The following SLC39A11 variants were observed in gnomAD, a reference collection of about 807,000 sequenced individuals.
SLC39A11 encodes zinc transporter ZIP11.
SLC39A11 carries 33 observed loss-of-function variants against 36.1 expected under a neutral mutation model. That is an observed-to-expected ratio of 0.91 (90% CI 0.69 to 1.22). The LOEUF (loss-of-function observed/expected upper bound fraction) is 1.22. Ranked by LOEUF, SLC39A11 falls within the 50% of genes most tolerant of loss-of-function variation. The pLI, the probability that SLC39A11 is intolerant of heterozygous loss-of-function variation, is 0.00. For synonymous variants in SLC39A11, 166 were observed against 170.3 expected (o/e 0.97, Z 0.20); for missense variants, 432 against 430.3 (o/e 1.00, Z -0.03).
intron 5 of SLC39A11, among the ~76,000 whole-genome samples, chr17:72,939,908 A>G (rs1338522621): frequency 2.0e-5 from 3 of 152,182 alleles, no homozygotes; most frequent in African/African-American, 7.2e-5. Context: ...TACTGGCATC[A>G]TTTACCAGTT....
intron 7 of SLC39A11, among the ~76,000 whole-genome samples, chr17:72,731,385 G>A (rs2074207984): frequency 1.3e-5 from 2 of 152,192 alleles, no homozygotes; most frequent in African/African-American, 4.8e-5. Flanking sequence ...ATGTGGAATT[G>A]TAATCCCCAA....
intron 7 of SLC39A11, among the ~76,000 whole-genome samples, chr17:72,656,049 C>T (rs1049507361): frequency 3.9e-5 from 6 of 152,282 alleles, no homozygotes; most frequent in Admixed American, 2.6e-4. Context: ...TCTGAGCTGA[C>T]GATCCTGGGC....
chr17:72,968,805 G>A lies in SLC39A11; in HGVS notation c.307-20930C>T, dbSNP rs1043214051. Among the ~76,000 whole-genome samples the A allele has an allele frequency of 3.1e-4, 47 of 152,204 alleles. 1 individual carries two copies. Among genetic ancestry groups the A allele is most frequent in the Admixed American group, 2.5e-3 (38 of 15,288 alleles). On this transcript the variant is annotated intron_variant, in intron 4 of 9. Transcript: ENST00000255559. ...AGGAAGGTTCTACACACGTGCGGAC[G>A]ACACAATCCCTGGGCCTCCCAGAGT...
intron 7 of SLC39A11, among the ~76,000 whole-genome samples, chr17:72,653,525 C>T (rs897110387): frequency 2.6e-5 from 4 of 151,542 alleles, no homozygotes; most frequent in African/African-American, 7.3e-5. Flanking sequence ...CTGCAACCTC[C>T]GCCTCATGGG....
chr17:72,808,991 ACT>A (rs1452686206), intron 6 of SLC39A11, among the ~76,000 whole-genome samples: 1 of 152,060 alleles, frequency 6.6e-6, no homozygotes, highest in Non-Finnish European at 1.5e-5. Flanking sequence ...TGTTAATTAA[ACT>A]CTTTCTCTAC....
chr17:73,069,128 G>A (rs1002956755), intron 3 of SLC39A11, among the ~76,000 whole-genome samples: 4 of 151,694 alleles, frequency 2.6e-5, no homozygotes, highest in South Asian at 2.1e-4. Context: ...CCCCTACCCC[G>A]TCTTCCCCAC....
chr17:72,844,881 C>T (rs550945192), intron 6 of SLC39A11, among the ~76,000 whole-genome samples: 1 of 152,230 alleles, frequency 6.6e-6, no homozygotes, highest in Non-Finnish European at 1.5e-5. Context: ...CCTTCCTCGT[C>T]TCAGTTGATG....
chr17:72,735,671 C>A (rs961901215), intron 7 of SLC39A11, among the ~76,000 whole-genome samples: 1 of 152,204 alleles, frequency 6.6e-6, no homozygotes, highest in Non-Finnish European at 1.5e-5. Flanking sequence ...ACTGTCTCCA[C>A]CCATTTTGAT....
chr17:72,652,676 T>G (rs2069905704), intron 7 of SLC39A11, among the ~76,000 whole-genome samples: 1 of 152,186 alleles, frequency 6.6e-6, no homozygotes, highest in Non-Finnish European at 1.5e-5. Context: ...AAGCCAAAAC[T>G]CATTCCTCTG....
chr17:72,881,640 T>C (rs4575596), intron 5 of SLC39A11, among the ~76,000 whole-genome samples: 79,371 of 152,098 alleles, frequency 0.52, 22,649 homozygotes, highest in African/African-American at 0.75. Context: ...AAGTAGTTCA[T>C]AGAGCTGGCA....
At chr17:72,793,997 C>T (rs1254863223) in intron 6 of SLC39A11, among the ~76,000 whole-genome samples, 2 of 152,094 alleles carry the variant, frequency 1.3e-5, no homozygotes, top group East Asian at 3.8e-4. Flanking sequence ...GCTTGAGGGA[C>T]CCATAGTCCT....
chr17:73,064,693 AT>A (rs2059946744), intron 3 of SLC39A11, among the ~76,000 whole-genome samples: 3 of 152,146 alleles, frequency 2.0e-5, no homozygotes, highest in Non-Finnish European at 4.4e-5. Flanking sequence ...CTAAGGTCAT[AT>A]TCCTTAGGGT....
At chr17:72,874,245 A>G (rs2080784446) in intron 5 of SLC39A11, among the ~76,000 whole-genome samples, 1 of 152,222 alleles carries the variant, frequency 6.6e-6, no homozygotes, top group African/African-American at 2.4e-5. Context: ...ATGTTTGCCA[A>G]GGGAAAGTAA....
At chr17:72,896,119 C>T (rs1017685421) in intron 5 of SLC39A11, among the ~76,000 whole-genome samples, 6 of 138,792 alleles carry the variant, frequency 4.3e-5, no homozygotes, top group Non-Finnish European at 7.8e-5. Context: ...AGGATTTTTA[C>T]AACAAATTTT....
chr17:72,904,562 G>A (rs564656489), intron 5 of SLC39A11, among the ~76,000 whole-genome samples: 6 of 152,228 alleles, frequency 3.9e-5, no homozygotes, highest in Non-Finnish European at 5.9e-5. Context: ...GGGAGGGCTC[G>A]CCTCGCAGCA....
intron 5 of SLC39A11, among the ~76,000 whole-genome samples, chr17:72,872,156 G>A (rs1329181565): frequency 2.0e-5 from 3 of 152,336 alleles, no homozygotes; most frequent in Admixed American, 2.0e-4. Flanking sequence ...CCTGGGGAGG[G>A]CAGGTGATTC....
chr17:73,042,552 G>C (rs113279455), intron 3 of SLC39A11, among the ~76,000 whole-genome samples: 7,286 of 152,280 alleles, frequency 0.048, 315 homozygotes, highest in African/African-American at 0.098. Context: ...TGTAATCCCA[G>C]TACTTTGGGA....
chr17:72,925,563 A>C (rs2147332653), intron 5 of SLC39A11, among the ~76,000 whole-genome samples: 1 of 152,050 alleles, frequency 6.6e-6, no homozygotes, highest in Middle Eastern at 3.4e-3. Context: ...CAGAAGGCCT[A>C]CTCTATTCAC....
chr17:72,830,597 T>C (rs910936278), intron 6 of SLC39A11, among the ~76,000 whole-genome samples: 2 of 152,138 alleles, frequency 1.3e-5, no homozygotes, highest in African/African-American at 2.4e-5. Context: ...CACCATCCCC[T>C]GTCTCTAAGC....
Sources: gnomAD v4.1 joint callset for allele counts (sites outside exome capture counted in the v4.1 genomes callset) on GRCh38, gnomAD v4.1.1 for gene constraint, MANE v1.5 for transcripts, NCBI Gene and HGNC (gene_info 2026-07-23, HGNC 2026-07-21) for gene names.